The following GPR89A variants were observed in gnomAD, a reference collection of about 807,000 sequenced individuals.
GPR89A encodes the protein G protein-coupled receptor 89A.
GPR89A carries 16 observed loss-of-function variants against 52.0 expected under a neutral mutation model. The ratio of observed to expected loss-of-function variants is 0.31; its 90% CI spans 0.21 to 0.47. The LOEUF (loss-of-function observed/expected upper bound fraction) is 0.47, where lower values mean the gene tolerates loss of function less well. Among genes scored for constraint, GPR89A ranks in the 20% least tolerant of loss-of-function variants. The pLI is 1.00. For synonymous variants in GPR89A, 55 were observed against 150.9 expected (o/e 0.36, Z 4.66); for missense variants, 135 against 449.4 (o/e 0.30, Z 6.33).
At chr1:145,666,724 C>G (rs1343172235) in intron 12 of GPR89A, among the ~76,000 whole-genome samples, 1 of 132,724 alleles carries the variant, frequency 7.5e-6, no homozygotes, top group Non-Finnish European at 1.6e-5. Flanking sequence ...CCACGACAAG[C>G]CTCGGTGTGT....
intron 5 of GPR89A, among the ~76,000 whole-genome samples, chr1:145,628,907 A>G (rs1553689388): frequency 6.6e-6 from 1 of 152,152 alleles, no homozygotes; most frequent in Non-Finnish European, 1.5e-5. Flanking sequence ...GAAGCCAAGA[A>G]CAGAATTTCT....
chr1:145,610,384 C>T (rs1182972314), intron 1 of GPR89A, among the ~76,000 whole-genome samples: 1 of 152,124 alleles, frequency 6.6e-6, no homozygotes, highest in Non-Finnish European at 1.5e-5. Context: ...CTTCTCTCTT[C>T]AGCTGTGGCT....
At chr1:145,609,543 A>G (rs1476495973) in intron 1 of GPR89A, among the ~76,000 whole-genome samples, 1 of 152,224 alleles carries the variant, frequency 6.6e-6, no homozygotes, top group African/African-American at 2.4e-5. Flanking sequence ...CCTTGGTGAC[A>G]ACTCAGGGTT....
chr1:145,621,798 A>G lies in GPR89A; in HGVS notation c.207-1256A>G, dbSNP rs587721849. On this transcript the variant is annotated intron_variant, in intron 3 of 13. Transcript: ENST00000313835. Reference sequence around the variant, plus strand: ...GGCATTTCTCCAGAGATGATATACAAATGGCCAGTAAGCACATATGAATAG... The same window carrying G: ...GGCATTTCTCCAGAGATGATATACAGATGGCCAGTAAGCACATATGAATAG... 4.6e-5 allele frequency among the ~76,000 whole-genome samples: 7 copies of G among 152,218 alleles called. No individual in the cohort carries two copies. The East Asian group carries it at 1.2e-3, about 25-fold the overall frequency.
chr1:145,656,867 T>C (rs1232294861), intron 10 of GPR89A, among the ~76,000 whole-genome samples: 32 of 151,892 alleles, frequency 2.1e-4, no homozygotes, highest in Admixed American at 2.1e-3. Flanking sequence ...TCCATTGTAA[T>C]CATAGTTTAT....
At position 145,609,050 on chromosome 1, in the gene GPR89A, G is replaced by C. The variant is rs35144596; in HGVS notation, c.42+875G>C. ...TTCATAGCTGTATCCCCACTTCCAA[G>C]TGCAGGCATTCAATAAATAATTGTT... On this transcript the variant is annotated intron_variant, in intron 1 of 13. Coordinates refer to ENST00000313835, the MANE Select transcript of GPR89A (RefSeq NM_001097612.2). Among the ~76,000 whole-genome samples the C allele has an allele frequency of 4.6e-5, 7 of 152,268 alleles. No individual in the cohort carries two copies. In the East Asian group the frequency reaches 7.7e-4, roughly 17 times the overall value.
At chr1:145,655,864 C>T (rs1448306723) in intron 10 of GPR89A, among the ~76,000 whole-genome samples, 2 of 151,944 alleles carry the variant, frequency 1.3e-5, no homozygotes, top group Non-Finnish European at 2.9e-5. Flanking sequence ...CTGCCCAGAC[C>T]CTTCAGAGCC....
At chr1:145,610,135 G>A (rs1648151318) in intron 1 of GPR89A, among the ~76,000 whole-genome samples, 1 of 151,946 alleles carries the variant, frequency 6.6e-6, no homozygotes, top group South Asian at 2.1e-4. Flanking sequence ...TAGAGTTGTA[G>A]TGAATATTTG....
intron 10 of GPR89A, among the ~76,000 whole-genome samples, chr1:145,654,662 G>A (rs1342048087): frequency 6.6e-6 from 1 of 151,672 alleles, no homozygotes; most frequent in Non-Finnish European, 1.5e-5. Context: ...TCTCTTTGTA[G>A]GTGACCTGTC....
At chr1:145,615,529 T>A (rs1553686813) in intron 1 of GPR89A, among the ~76,000 whole-genome samples, 1 of 150,982 alleles carries the variant, frequency 6.6e-6, no homozygotes, top group Admixed American at 6.6e-5. Context: ...TGTGTGTGTT[T>A]TTTGTAGAGA....
chr1:145,657,690 A>G (rs1318775569), intron 10 of GPR89A, among the ~76,000 whole-genome samples: 1 of 150,546 alleles, frequency 6.6e-6, no homozygotes, highest in African/African-American at 2.4e-5. Context: ...TATGCAGGTT[A>G]TCTATTTCTT....
chr1:145,647,875 CTCTCTATATATATA>C (rs1559042103), intron 10 of GPR89A, among the ~76,000 whole-genome samples: 43 of 64,512 alleles, frequency 6.7e-4, no homozygotes, highest in African/African-American at 1.7e-3. Flanking sequence ...CTCTCTCTCT[CTCTCTATATATATA>C]TATATATATA....
intron 5 of GPR89A, among the ~76,000 whole-genome samples, chr1:145,624,589 C>T (rs1345944500): frequency 6.6e-6 from 1 of 151,124 alleles, no homozygotes; most frequent in Non-Finnish European, 1.5e-5. Flanking sequence ...AAAACAGAAT[C>T]TACTGTAACT....
At chr1:145,663,260 T>A in intron 10 of GPR89A, 69 bp from the exon 11 acceptor site, 1 of 1,608,508 alleles carries the variant, frequency 6.2e-7, no homozygotes, top group South Asian at 1.1e-5. Flanking sequence ...AATTCATTAG[T>A]TTCAGTCACT....
intron 3 of GPR89A, 120 bp from the exon 4 acceptor site, chr1:145,622,934 A>T: frequency 6.7e-7 from 1 of 1,494,230 alleles, no homozygotes; most frequent in East Asian, 2.3e-5. Context: ...TAGTAGGCTG[A>T]TTAGATAGGA....
chr1:145,623,273 G>C, intron 4 of GPR89A, 113 bp downstream of exon 4: 1 of 639,658 alleles, frequency 1.6e-6, no homozygotes. Flanking sequence ...CGCTATTTGA[G>C]GATACCTCAC....
rs1571460919 is a variant in GPR89A at position 145,613,575 on chromosome 1, C to T, written c.43-2659C>T. On this transcript the variant is annotated intron_variant, in intron 1 of 13. Transcript: ENST00000313835. ...AAGCTCCTTAGGGTGGCCTTCAAAG[C>T]TCTCAGTGATTGGACATCCACTCCT... 2.6e-5 allele frequency among the ~76,000 whole-genome samples: 4 copies of T among 151,912 alleles called. No homozygotes were observed. In the South Asian group the frequency reaches 6.3e-4, roughly 24 times the overall value.
chr1:145,628,956 C>G (rs201263210), intron 5 of GPR89A, among the ~76,000 whole-genome samples: 3,563 of 151,874 alleles, frequency 0.023, 61 homozygotes, highest in South Asian at 0.044. Flanking sequence ...AAAGAACTAG[C>G]AAAGAAGGAA....
At chr1:145,669,800 G>A in intron 13 of GPR89A, 34 bp from the exon 14 acceptor site, 1 of 1,256,822 alleles carries the variant, frequency 8.0e-7, no homozygotes, top group South Asian at 1.2e-5. Context: ...ACTACATTCA[G>A]AGTCACTTCT....
Sources: gnomAD v4.1 joint callset for allele counts (sites outside exome capture counted in the v4.1 genomes callset) on GRCh38, gnomAD v4.1.1 for gene constraint, MANE v1.5 for transcripts, NCBI Gene and HGNC (gene_info 2026-07-23, HGNC 2026-07-21) for gene names.